Variants in CDK12 observed in about 807,000 individuals in gnomAD.
CDK12 encodes cyclin-dependent kinase 12.
In CDK12, 17 loss-of-function variants were observed where a neutral mutation model predicts 133.8. That is an observed-to-expected ratio of 0.13 (90% CI 0.09 to 0.19). CDK12 has a LOEUF of 0.19. Among genes scored for constraint, CDK12 ranks in the 10% least tolerant of loss-of-function variants. The pLI is 1.00. For synonymous variants in CDK12, 694 were observed against 683.6 expected (o/e 1.02, Z -0.24); for missense variants, 1,508 against 1,818.7 (o/e 0.83, Z 3.11).
At chr17:39,513,831 A>G (rs968147059) in intron 8 of CDK12, among the ~76,000 whole-genome samples, 1 of 152,230 alleles carries the variant, frequency 6.6e-6, no homozygotes, top group African/African-American at 2.4e-5. Context: ...CTCTGAAGAT[A>G]TTTTTATGGG....
intron 11 of CDK12, among the ~76,000 whole-genome samples, chr17:39,521,444 G>A (rs956690136): frequency 3.3e-5 from 5 of 151,758 alleles, no homozygotes; most frequent in Admixed American, 1.3e-4. Context: ...TGTATTTTTA[G>A]TAGAGACAGG....
At position 39,481,645 on chromosome 17, in the gene CDK12, T is replaced by TCTCC. The variant is rs1567706088; in HGVS notation, c.1932-8909_1932-8908insCCTC. 1.6e-3 allele frequency among the ~76,000 whole-genome samples: 14 copies of TCTCC among 8,682 alleles called. 1 individual carries two copies. The highest frequency in any genetic ancestry group is 3.8e-3 in the Non-Finnish European group (13 of 3,392). The allele number at this position is 8,682 out of a possible 152,430, so 5.7% of individuals were successfully genotyped here. On this transcript the variant is annotated intron_variant, in intron 2 of 13. Coordinates refer to ENST00000447079, the MANE Select transcript of CDK12 (RefSeq NM_016507.4). ...TGCTCGCTCGCGCGCTCTCTCTCTC[T>TCTCC]CTCTCTCTCTCTCTCTCTCTCTCTC...
At chr17:39,518,034 G>A (rs1351330037) in intron 10 of CDK12, among the ~76,000 whole-genome samples, 5 of 150,476 alleles carry the variant, frequency 3.3e-5, no homozygotes, top group African/African-American at 7.4e-5. Flanking sequence ...CTGGAGTGCA[G>A]TGGCATGATC....
chr17:39,475,222 T>G (rs984415037), intron 2 of CDK12, among the ~76,000 whole-genome samples: 2 of 152,060 alleles, frequency 1.3e-5, no homozygotes, highest in African/African-American at 4.8e-5. Context: ...GTAATCCCAG[T>G]ACTTTGGGAG....
At chr17:39,474,001 G>A (rs2050000805) in intron 2 of CDK12, among the ~76,000 whole-genome samples, 2 of 152,172 alleles carry the variant, frequency 1.3e-5, no homozygotes, top group South Asian at 4.1e-4. Flanking sequence ...AGGCTGCAGT[G>A]AGCCGAGGTC....
intron 2 of CDK12, among the ~76,000 whole-genome samples, chr17:39,476,236 A>G (rs922527013): frequency 2.0e-5 from 3 of 151,150 alleles, no homozygotes; most frequent in Non-Finnish European, 4.4e-5. Flanking sequence ...CAGCCTCCCG[A>G]GTAGTTGGGA....
intron 3 of CDK12, among the ~76,000 whole-genome samples, chr17:39,492,067 C>CTTTTTTCT (rs2051659752): frequency 6.8e-6 from 1 of 147,072 alleles, no homozygotes; most frequent in African/African-American, 2.5e-5. Flanking sequence ...TAAAAGAATC[C>CTTTTTTCT]TTTTTTCTTT....
At chr17:39,557,001 T>C (rs561855657) in intron 3 of CDK12, 3 of 152,298 alleles carry the variant, frequency 2.0e-5, no homozygotes, top group Admixed American at 2.0e-4. Context: ...ATTATGATCT[T>C]CCCTGGGCAT....
intron 13 of CDK12, chr17:39,530,317 A>C: frequency 9.3e-6 from 3 of 322,162 alleles, no homozygotes; most frequent in Admixed American, 4.7e-5. Flanking sequence ...CCTGCATGTT[A>C]GAACAGTTCT....
In CDK12 at chr17:39,462,207, A is replaced by AAG; in HGVS notation, c.137_138dup (p.Lys48ProfsTer10). ...CTTGGTATCGAAGCACAAGCGGCAT[A>AAG]AGTCCAAACACTCCAAAGACATGGG... On this transcript the variant is annotated frameshift_variant, in exon 1 of 14. Coordinates refer to ENST00000447079, the MANE Select transcript of CDK12 (RefSeq NM_016507.4). LOFTEE classifies it high-confidence loss of function. 1 of 1,614,202 alleles carries AAG rather than the reference A, an allele frequency of 6.2e-7. No individual in the cohort carries two copies.
intron 2 of CDK12, among the ~76,000 whole-genome samples, chr17:39,473,325 T>C (rs2049944310): frequency 6.6e-6 from 1 of 152,226 alleles, no homozygotes; most frequent in African/African-American, 2.4e-5. Context: ...AAGTATTTGC[T>C]AATTAGAATA....
chr17:39,505,065 C>T (rs1003400063), intron 6 of CDK12, among the ~76,000 whole-genome samples: 1 of 150,872 alleles, frequency 6.6e-6, no homozygotes, highest in East Asian at 2.0e-4. Context: ...CCCGTCTCTA[C>T]TAAAATACAA....
chr17:39,539,362 G>GT (rs994745180), downstream of CDK12, among the ~76,000 whole-genome samples: 2 of 152,100 alleles, frequency 1.3e-5, no homozygotes, highest in Non-Finnish European at 2.9e-5. Flanking sequence ...GACTGTACTT[G>GT]TTTTTTTGTT....
chr17:39,557,718 T>C (rs1258080567), intron 3 of CDK12, among the ~76,000 whole-genome samples: 1 of 152,210 alleles, frequency 6.6e-6, no homozygotes, highest in Non-Finnish European at 1.5e-5. Flanking sequence ...GAAGCACAGT[T>C]ACTTTTCCAG....
chr17:39,557,830 G>A (rs552637153), intron 3 of CDK12, among the ~76,000 whole-genome samples: 4 of 152,148 alleles, frequency 2.6e-5, no homozygotes, highest in Non-Finnish European at 4.4e-5. Context: ...ACAAGTTTTG[G>A]AGACAGACAG....
chr17:39,550,092 G>A (rs571435079), upstream of CDK12: 1 of 152,164 alleles, frequency 6.6e-6, no homozygotes, highest in Non-Finnish European at 1.5e-5. Flanking sequence ...ACCAAGCTGG[G>A]GCAGGGGGGT....
intron 1 of CDK12, among the ~76,000 whole-genome samples, chr17:39,541,849 AG>A (rs1476100523): frequency 6.6e-6 from 1 of 152,242 alleles, no homozygotes; most frequent in African/African-American, 2.4e-5. Flanking sequence ...ATAGATTGCC[AG>A]GGCTAGGAAA....
chr17:39,463,762 C>T (rs574055277), intron 1 of CDK12, among the ~76,000 whole-genome samples: 10 of 151,772 alleles, frequency 6.6e-5, no homozygotes, highest in Non-Finnish European at 1.5e-4. Context: ...TCATCACTGA[C>T]CTACCTTGTG....
Position 39,501,228 on chromosome 17 carries a change from A to G in CDK12, c.2420-22A>G, listed in dbSNP as rs182527083. ...CATTCTTTTTTTTTTCTTGCTTTTA[A>G]TTTTTTTTCGTCTTTATGTAGGTGC... On this transcript the variant is annotated intron_variant, in intron 5 of 13. Coordinates refer to ENST00000447079, the MANE Select transcript of CDK12 (RefSeq NM_016507.4). The G allele has an allele frequency of 9.3e-4, 1,365 of 1,461,842 alleles. 1 individual carries two copies. Among genetic ancestry groups the G allele is most frequent in the Non-Finnish European group, 1.2e-3 (1,308 of 1,096,418 alleles). 90.6% of individuals were successfully genotyped at this position (1,461,842 alleles called of 1,614,324 possible). A position where few individuals can be genotyped will look rare whatever the true frequency, so the allele number is the denominator to read the frequency against.
Sources: gnomAD v4.1 joint callset for allele counts (sites outside exome capture counted in the v4.1 genomes callset) on GRCh38, gnomAD v4.1.1 for gene constraint, MANE v1.5 for transcripts, NCBI Gene and HGNC (gene_info 2026-07-23, HGNC 2026-07-21) for gene names.